Variants in PLEKHA1 observed in about 807,000 individuals in gnomAD.
The protein encoded by PLEKHA1 is pleckstrin homology domain containing A1.
PLEKHA1 carries 34 observed loss-of-function variants against 52.0 expected under a neutral mutation model. The ratio of observed to expected loss-of-function variants is 0.65; its 90% CI spans 0.50 to 0.87. The LOEUF is 0.87. PLEKHA1 is among the 40% of genes least tolerant of loss of function. PLEKHA1 has a pLI of 0.00. For missense variants in PLEKHA1, 497 were observed against 504.2 expected (o/e 0.99, Z 0.14); for synonymous variants, 163 against 170.7 (o/e 0.95, Z 0.35).
rs1335272620 is a variant in PLEKHA1, at chr10:122,430,751, A to G, written c.*813A>G. On this transcript the variant is annotated 3_prime_UTR_variant, in exon 12 of 12. Transcript: ENST00000368990. Reference sequence around the variant, plus strand: ...TGGATTGGTGAAAGACCTCAAGTTTATATGTAAAGACATAACTGCCCTTAG... The same window carrying G: ...TGGATTGGTGAAAGACCTCAAGTTTGTATGTAAAGACATAACTGCCCTTAG... 6.6e-6 allele frequency: 1 copy of G among 152,338 alleles called. No homozygotes were observed. 9.4% of individuals were successfully genotyped at this position (152,338 alleles called of 1,614,324 possible).
intron 8 of PLEKHA1, chr10:122,422,214 T>C (rs2097269914): frequency 6.6e-6 from 1 of 152,178 alleles, no homozygotes; most frequent in Non-Finnish European, 1.5e-5. Flanking sequence ...TTGATGGGGT[T>C]AGAAAAATCA....
chr10:122,391,729 C>T (rs1244494560), intron 1 of PLEKHA1, among the ~76,000 whole-genome samples: 2 of 151,124 alleles, frequency 1.3e-5, no homozygotes, highest in Non-Finnish European at 2.9e-5. Flanking sequence ...GCTTTGATTA[C>T]ATTGTAAACT....
chr10:122,391,183 A>G (rs1267135716), intron 1 of PLEKHA1, among the ~76,000 whole-genome samples: 1 of 151,956 alleles, frequency 6.6e-6, no homozygotes, highest in African/African-American at 2.4e-5. Context: ...TCTGGATACT[A>G]GATCCTTGTC....
At chr10:122,408,538 A>T (rs547930759) in intron 5 of PLEKHA1, among the ~76,000 whole-genome samples, 1 of 152,214 alleles carries the variant, frequency 6.6e-6, no homozygotes, top group Admixed American at 6.5e-5. Flanking sequence ...ATATAAATAC[A>T]TAGAAGTTAT....
intron 1 of PLEKHA1, among the ~76,000 whole-genome samples, chr10:122,379,575 C>T (rs183876616): frequency 5.3e-4 from 80 of 152,372 alleles, no homozygotes; most frequent in Middle Eastern, 3.4e-3. Flanking sequence ...CTTCTTTTCC[C>T]TGCGTTCTCC....
At chr10:122,389,955 G>A (rs1396134001) in intron 1 of PLEKHA1, among the ~76,000 whole-genome samples, 1 of 152,148 alleles carries the variant, frequency 6.6e-6, no homozygotes, top group Non-Finnish European at 1.5e-5. Context: ...AACTGTGAAA[G>A]TCCTAGATGG....
chr10:122,397,806 G>A, intron 2 of PLEKHA1, 112 bp from the exon 3 acceptor site: 4 of 777,684 alleles, frequency 5.1e-6, no homozygotes, highest in Non-Finnish European at 8.0e-6. Flanking sequence ...TTTGTAAAAT[G>A]TGATATTAAA....
chr10:122,386,837 G>T (rs554415129), intron 1 of PLEKHA1: 18 of 152,190 alleles, frequency 1.2e-4, no homozygotes, highest in African/African-American at 4.3e-4. Context: ...CTATTTCTAG[G>T]CTTTGACTTT....
downstream of PLEKHA1, chr10:122,435,501 TAGATA>T (rs1289770385): frequency 1.3e-5 from 2 of 152,322 alleles, no homozygotes; most frequent in East Asian, 1.9e-4. Context: ...CGTAGAAAAT[TAGATA>T]AGATATGTGA....
At chr10:122,420,734 A>T (rs1468283669) in intron 8 of PLEKHA1, 1 of 152,206 alleles carries the variant, frequency 6.6e-6, no homozygotes, top group Admixed American at 6.5e-5. Flanking sequence ...GAAATGACTC[A>T]GACTCTAATT....
intron 1 of PLEKHA1, among the ~76,000 whole-genome samples, chr10:122,378,004 C>T (rs1306992983): frequency 6.6e-6 from 1 of 152,178 alleles, no homozygotes; most frequent in African/African-American, 2.4e-5. Flanking sequence ...CCAGGCTTGT[C>T]AGTCTGATAG....
rs1257925016 is a variant in PLEKHA1, at chr10:122,406,632, G to A, written c.301G>A (p.Val101Met). 4 of 1,613,306 alleles carry A rather than the reference G, an allele frequency of 2.5e-6. No individual in the cohort carries two copies. Among genetic ancestry groups the A allele is most frequent in the Middle Eastern group, 1.7e-4 (1 of 6,048 alleles). The change falls in exon 5 of 12, where the codon GTG becomes ATG. Residue 101 changes from valine to methionine, a missense_variant. Physicochemically the swap from Val to Met is conservative, Grantham distance 21. Transcript: ENST00000368990. Reference protein sequence around the residue: ...FLQANDQQDLVEWVNVLNKAI... With the variant: ...FLQANDQQDLMEWVNVLNKAI... ...ACAAGCCAATGATCAGCAGGACCTA[G>A]TGGAATGGGTAAATGTGTTAAACAA...
chr10:122,398,569 T>G (rs1249350349), intron 3 of PLEKHA1, among the ~76,000 whole-genome samples: 1 of 150,096 alleles, frequency 6.7e-6, no homozygotes, highest in Non-Finnish European at 1.5e-5. Flanking sequence ...AACTAAGTGA[T>G]GCTGAGGTGC....
downstream of PLEKHA1, chr10:122,434,346 A>T (rs1296326792): frequency 6.6e-6 from 1 of 152,222 alleles, no homozygotes; most frequent in African/African-American, 2.4e-5. Flanking sequence ...CTTTTGTAAT[A>T]AAAGTTTCTT....
chr10:122,380,532 T>G (rs1232194574), intron 1 of PLEKHA1, among the ~76,000 whole-genome samples: 1 of 151,980 alleles, frequency 6.6e-6, no homozygotes, highest in East Asian at 1.9e-4. Flanking sequence ...AGTCCCCGAG[T>G]GGGAATCTTG....
intron 8 of PLEKHA1, chr10:122,422,284 G>T (rs571953298): frequency 2.2e-4 from 34 of 152,246 alleles, no homozygotes; most frequent in Admixed American, 1.8e-3. Context: ...GATAAAACTA[G>T]TTGCAAAATT....
intron 2 of PLEKHA1, among the ~76,000 whole-genome samples, chr10:122,397,109 CCT>C (rs1267170904): frequency 3.3e-5 from 5 of 152,164 alleles, no homozygotes; most frequent in African/African-American, 1.2e-4. Context: ...ACATAGCCCC[CCT>C]CTCTCTTTCT....
chr10:122,409,364 G>A (rs1381282839), intron 5 of PLEKHA1, among the ~76,000 whole-genome samples: 1 of 152,308 alleles, frequency 6.6e-6, no homozygotes, highest in East Asian at 1.9e-4. Flanking sequence ...AGCCCCGAAG[G>A]GGGAGTATCA....
At position 122,424,344 on chromosome 10, in the gene PLEKHA1, A is replaced by G. The variant is rs543673456; in HGVS notation, c.746+81A>G. On this transcript the variant is annotated intron_variant, in intron 9 of 11. Coordinates refer to ENST00000368990, the MANE Select transcript of PLEKHA1 (RefSeq NM_001001974.4). ...CTTAGTTTGAGTAATGTACTTACAGATTACATTTTTCCATATTAATTGTAG... is the reference window on the plus strand; with the variant it reads ...CTTAGTTTGAGTAATGTACTTACAGGTTACATTTTTCCATATTAATTGTAG... The G allele has an allele frequency of 5.6e-6, 8 of 1,422,570 alleles. No homozygotes were observed. In the Admixed American group the frequency reaches 7.4e-5, roughly 13 times the overall value. 88.1% of individuals were successfully genotyped at this position (1,422,570 alleles called of 1,614,324 possible). A position where few individuals can be genotyped will look rare whatever the true frequency, so the allele number is the denominator to read the frequency against.
Sources: gnomAD v4.1 joint callset for allele counts (sites outside exome capture counted in the v4.1 genomes callset) on GRCh38, gnomAD v4.1.1 for gene constraint, MANE v1.5 for transcripts, NCBI Gene and HGNC (gene_info 2026-07-23, HGNC 2026-07-21) for gene names.